The following DPEP1 variants were observed in gnomAD, a reference collection of about 807,000 sequenced individuals.
The protein encoded by DPEP1 is dipeptidase 1.
A neutral mutation model predicts 42.3 loss-of-function variants in DPEP1; 50 were observed. The observed-to-expected ratio is 1.18, with a 90% CI of 0.94 to 1.50. The LOEUF is 1.50. DPEP1 is among the 40% of genes most tolerant of loss of function. The pLI is 0.00. For synonymous variants in DPEP1, 297 were observed against 234.0 expected (o/e 1.27, Z -2.46); for missense variants, 663 against 553.0 (o/e 1.20, Z -1.99).
Position 89,638,228 on chromosome 16 carries a change from G to A in DPEP1, c.*6G>A, listed in dbSNP as rs780577368. 1.2e-5 allele frequency: 18 copies of A among 1,543,698 alleles called. No homozygotes were observed. Among genetic ancestry groups the A allele is most frequent in the East Asian group, 2.3e-5 (1 of 44,200 alleles). On this transcript the variant is annotated 3_prime_UTR_variant, in exon 11 of 11. Coordinates refer to ENST00000690203, the MANE Select transcript of DPEP1 (RefSeq NM_001389466.1). ...TCTGTCTGTCTCTCCTGTGAAACCT[G>A]GGAGACCAGAGTCCCCTTTAGGGTT...
intron 1 of DPEP1, among the ~76,000 whole-genome samples, chr16:89,614,243 C>T (rs947264584): frequency 6.6e-6 from 1 of 152,192 alleles, no homozygotes; most frequent in Admixed American, 6.5e-5. Flanking sequence ...AGAGGCCCCA[C>T]AACCCCGCTT....
intron 1 of DPEP1, among the ~76,000 whole-genome samples, chr16:89,617,222 T>G (rs1597738975): frequency 6.6e-6 from 1 of 151,870 alleles, no homozygotes; most frequent in East Asian, 1.9e-4. Context: ...AGAGATGGGG[T>G]GCTTGGGGCT....
chr16:89,637,599 A>C (rs766919406), intron 8 of DPEP1, 33 bp from the exon 9 acceptor site: 2 of 1,612,776 alleles, frequency 1.2e-6, no homozygotes, highest in South Asian at 2.2e-5. Flanking sequence ...GGAGGGCCTC[A>C]CTCGGGACCC....
chr16:89,618,318 G>C (rs966844243), intron 1 of DPEP1, among the ~76,000 whole-genome samples: 2 of 152,166 alleles, frequency 1.3e-5, no homozygotes, highest in African/African-American at 4.8e-5. Context: ...CTGGACTCAA[G>C]CCATCTTCCT....
intron 1 of DPEP1, among the ~76,000 whole-genome samples, chr16:89,627,272 CAAA>C (rs751000812): frequency 1.2e-5 from 1 of 80,592 alleles, no homozygotes. Flanking sequence ...GACTCCGTCT[CAAA>C]AAAAAAAAAA....
intron 1 of DPEP1, among the ~76,000 whole-genome samples, chr16:89,623,290 T>TAAA (rs34805151): frequency 4.9e-5 from 7 of 142,444 alleles, no homozygotes; most frequent in African/African-American, 1.8e-4. Flanking sequence ...CCCCATCTCG[T>TAAA]AAAAAAAAAA....
At chr16:89,617,588 C>T (rs62068710) in intron 1 of DPEP1, among the ~76,000 whole-genome samples, 12,479 of 119,464 alleles carry the variant, frequency 0.1, 568 homozygotes, top group Admixed American at 0.19. Context: ...CGGCTCACAC[C>T]TGTAATCCCA....
At position 89,637,971 on chromosome 16, in the gene DPEP1, G is replaced by A. The variant is rs1200295655; in HGVS notation, c.1065G>A (p.Gln355=). Residue 355 remains glutamine (Q), a splice_region_variant and synonymous_variant, in exon 10 of 11, where the codon CAG becomes CAA. Transcript: ENST00000690203. ...TGAGGGTCTTCGAGGCTGTGGAACA[G>A]GTGAGGATGGGGTGGCCACCTGAGT... ...NLLRVFEAVE[Q]ASNLTQAPEE... is the part of the protein sequence containing the mutation. 1 of 1,608,004 alleles carries A rather than the reference G, an allele frequency of 6.2e-7. No individual in the cohort carries two copies. The highest frequency in any genetic ancestry group is 1.3e-5 in the African/African-American group (1 of 74,802).
At chr16:89,639,458 A>C (rs1366052959), downstream of DPEP1, among the ~76,000 whole-genome samples, 2 of 31,882 alleles carry the variant, frequency 6.3e-5, no homozygotes, top group Non-Finnish European at 1.1e-4. Context: ...TGCACACCCC[A>C]CCCCTGCACA....
rs369689365 is a variant in DPEP1 at position 89,636,221 on chromosome 16, A to T, written c.238-43A>T. 109 of 1,581,972 alleles carry T rather than the reference A, an allele frequency of 6.9e-5. No homozygotes were observed. The African/African-American group carries it at 1.5e-3, about 21-fold the overall frequency. Reference sequence around the variant, plus strand: ...CCACAGGCATGCGGGGGGTGGGCTGAGACCTGGCTGCATCAGCTCCTGGCA... The same window carrying T: ...CCACAGGCATGCGGGGGGTGGGCTGTGACCTGGCTGCATCAGCTCCTGGCA... On this transcript the variant is annotated intron_variant, in intron 3 of 10. Transcript: ENST00000690203.
downstream of DPEP1, chr16:89,638,495 C>T (rs2059713529): frequency 3.2e-6 from 4 of 1,269,742 alleles, no homozygotes; most frequent in African/African-American, 1.5e-5. Context: ...AAAATGGCTC[C>T]TGGTTGGACG....
In DPEP1 at chr16:89,636,414, G is replaced by A. The variant is rs758558918; in HGVS notation, c.370+18G>A. Reference sequence around the variant, plus strand: ...CAGTGCAGGTGGGGTCCTGACCTGGGTCCTCCAGGTCCTGCGTCTTCTCAC... The same window carrying A: ...CAGTGCAGGTGGGGTCCTGACCTGGATCCTCCAGGTCCTGCGTCTTCTCAC... On this transcript the variant is annotated intron_variant, in intron 4 of 10. Coordinates refer to ENST00000690203, the MANE Select transcript of DPEP1 (RefSeq NM_001389466.1). 2.5e-6 allele frequency: 4 copies of A among 1,605,202 alleles called. No individual in the cohort carries two copies. Among genetic ancestry groups the A allele is most frequent in the Non-Finnish European group, 1.7e-6 (2 of 1,175,572 alleles).
chr16:89,622,454 C>G (rs747154622), intron 1 of DPEP1, among the ~76,000 whole-genome samples: 1 of 152,186 alleles, frequency 6.6e-6, no homozygotes, highest in Non-Finnish European at 1.5e-5. Context: ...TCCTCCTGCT[C>G]CTGTCCACGA....
intron 6 of DPEP1, 124 bp downstream of exon 6, chr16:89,637,059 C>G: frequency 1.3e-6 from 2 of 1,521,784 alleles, no homozygotes; most frequent in Non-Finnish European, 1.8e-6. Flanking sequence ...GAGCTGGCAG[C>G]CATCCCCCCA....
At chr16:89,631,251 C>T (rs1338010380) in intron 2 of DPEP1, among the ~76,000 whole-genome samples, 1 of 152,090 alleles carries the variant, frequency 6.6e-6, no homozygotes, top group East Asian at 1.9e-4. Flanking sequence ...CCCCCGACCT[C>T]GCTGGGGCAC....
At chr16:89,614,522 C>T (rs1288565782) in intron 1 of DPEP1, among the ~76,000 whole-genome samples, 4 of 152,062 alleles carry the variant, frequency 2.6e-5, no homozygotes, top group South Asian at 2.1e-4. Context: ...TGGCCGGGCG[C>T]GGTGGCTCAC....
intron 1 of DPEP1, among the ~76,000 whole-genome samples, chr16:89,623,838 T>G (rs1420828353): frequency 6.6e-6 from 1 of 151,992 alleles, no homozygotes; most frequent in Non-Finnish European, 1.5e-5. Context: ...TACGGGCGAC[T>G]GGAAATTCCC....
At chr16:89,628,974 G>A (rs539025122) in intron 1 of DPEP1, among the ~76,000 whole-genome samples, 1 of 151,834 alleles carries the variant, frequency 6.6e-6, no homozygotes, top group Non-Finnish European at 1.5e-5. Flanking sequence ...CTACAGGTGC[G>A]CACCACCATG....
chr16:89,619,837 C>CA (rs1567980979), intron 1 of DPEP1, among the ~76,000 whole-genome samples: 1 of 3,902 alleles, frequency 2.6e-4, no homozygotes, highest in African/African-American at 1.4e-3. Context: ...CAGCCCCCTG[C>CA]GTCCCCTCCC....
Sources: gnomAD v4.1 joint callset for allele counts (sites outside exome capture counted in the v4.1 genomes callset) on GRCh38, gnomAD v4.1.1 for gene constraint, MANE v1.5 for transcripts, NCBI Gene and HGNC (gene_info 2026-07-23, HGNC 2026-07-21) for gene names.